VWDE: variants seen among roughly 807,000 people sequenced by gnomAD.
VWDE encodes von Willebrand factor D and EGF domains.
A neutral mutation model predicts 178.4 loss-of-function variants in VWDE; 207 were observed. The ratio of observed to expected loss-of-function variants is 1.16; its 90% confidence interval spans 1.04 to 1.30. The LOEUF (loss-of-function observed/expected upper bound fraction) is 1.30, where lower values mean the gene tolerates loss of function less well. VWDE is among the 50% of genes most tolerant of loss of function. VWDE has a pLI of 0.00. For synonymous variants in VWDE, 738 were observed against 651.4 expected (o/e 1.13, Z -2.02); for missense variants, 2,287 against 1,901.3 (o/e 1.20, Z -3.77).
chr7:12,403,826 T>C lies in VWDE; in HGVS notation c.-110A>G, dbSNP rs1007248686. 4.2e-6 allele frequency: 5 copies of C among 1,201,968 alleles called. No individual in the cohort carries two copies. The highest frequency in any genetic ancestry group is 5.9e-6 in the Non-Finnish European group (5 of 845,360). The allele number at this position is 1,201,968 out of a possible 1,614,324, so 74.5% of individuals were successfully genotyped here. On this transcript the variant is annotated 5_prime_UTR_variant, in exon 1 of 29. Coordinates refer to ENST00000275358, the MANE Select transcript of VWDE (RefSeq NM_001135924.3). Reference sequence around the variant, plus strand: ...CCTCCTTTCTTGGATTTTCTCAGTCTGTTGCTGCTTGGAACAGGGAAGCTC... The same window carrying C: ...CCTCCTTTCTTGGATTTTCTCAGTCCGTTGCTGCTTGGAACAGGGAAGCTC...
intron 9 of VWDE, among the ~76,000 whole-genome samples, chr7:12,374,277 A>C (rs1384232563): frequency 1.3e-5 from 2 of 152,068 alleles, no homozygotes; most frequent in Non-Finnish European, 2.9e-5. Flanking sequence ...TATTCTTGTC[A>C]AGACTTAGGA....
chr7:12,330,919 T>C lies in VWDE; in HGVS notation c.*264A>G, dbSNP rs1226160394. The C allele has an allele frequency of 1.3e-5, 5 of 375,612 alleles. No homozygotes were observed. The highest frequency in any genetic ancestry group is 1.9e-5 in the Non-Finnish European group (4 of 207,890). The allele number at this position is 375,612 out of a possible 1,614,324, so 23.3% of individuals were successfully genotyped here. A position where few individuals can be genotyped will look rare whatever the true frequency, so the allele number is the denominator to read the frequency against. On this transcript the variant is annotated 3_prime_UTR_variant, in exon 29 of 29. Coordinates refer to ENST00000275358, the MANE Select transcript of VWDE (RefSeq NM_001135924.3). ...AGAAAATATTCAGTTTATTAAATATTGTGAATGGGTGGAATATCAGATACA... is the reference window on the plus strand; with the variant it reads ...AGAAAATATTCAGTTTATTAAATATCGTGAATGGGTGGAATATCAGATACA...
chr7:12,367,323 ACT>A, intron 13 of VWDE, 32 bp downstream of exon 13: 1 of 1,487,744 alleles, frequency 6.7e-7, no homozygotes. Flanking sequence ...TATCTCATAC[ACT>A]CTATTGTTTC....
In VWDE at chr7:12,336,182, C is replaced by T; in HGVS notation, c.4613G>A (p.Cys1538Tyr). Reference sequence around the variant, plus strand: ...TCCTTCCCAGGAGGAAGGACAATGGCATATGCTGGGCGCAATGCATTCACC... The same window carrying T: ...TCCTTCCCAGGAGGAAGGACAATGGTATATGCTGGGCGCAATGCATTCACC... The part of the protein sequence containing the change: ...NGGECIAPSI[C>Y]HCPSSWEGVR... The change falls in exon 27 of 29, where the codon TGC (cysteine) becomes TAC (tyrosine). Residue 1538 changes from cysteine (C) to tyrosine (Y), a missense_variant. Cys to Tyr is a radical substitution (Grantham distance 194, BLOSUM62 -2). Transcript: ENST00000275358. 6.4e-7 allele frequency: 1 copy of T among 1,551,414 alleles called. No individual in the cohort carries two copies. The highest frequency in any genetic ancestry group is 1.4e-5 in the African/African-American group (1 of 73,150).
chr7:12,398,897 G>A (rs1399766157), intron 1 of VWDE, among the ~76,000 whole-genome samples: 2 of 152,082 alleles, frequency 1.3e-5, no homozygotes, highest in African/African-American at 4.8e-5. Flanking sequence ...TACTGAAGGG[G>A]GAAGGAAGGA....
At position 12,361,413 on chromosome 7, in the gene VWDE, T is replaced by G; in HGVS notation, c.3007A>C (p.Thr1003Pro). 5 of 1,551,236 alleles carry G rather than the reference T, an allele frequency of 3.2e-6. No homozygotes were observed. The highest frequency in any genetic ancestry group is 4.4e-6 in the Non-Finnish European group (5 of 1,146,690). ...GGTTTCCCACCCACCAGATCCATGG[T>G]ATCAAACTGCTGAACATCAGTGGGC... Reference protein sequence around the residue: ...QLPTDVQQFDTMDLVGGKPTG... With the variant: ...QLPTDVQQFDPMDLVGGKPTG... Residue 1003 changes from threonine to proline, a missense_variant, in exon 14 of 29, where the codon ACC (threonine) becomes CCC (proline). Transcript: ENST00000275358.
intron 4 of VWDE, among the ~76,000 whole-genome samples, chr7:12,382,403 A>T (rs1362131897): frequency 2.6e-5 from 4 of 151,862 alleles, no homozygotes; most frequent in African/African-American, 9.7e-5. Flanking sequence ...GGGCTTAATT[A>T]AACTGACCTC....
At chr7:12,396,061 G>A (rs1490356369) in intron 1 of VWDE, among the ~76,000 whole-genome samples, 1 of 152,042 alleles carries the variant, frequency 6.6e-6, no homozygotes, top group African/African-American at 2.4e-5. Flanking sequence ...AGAAAGTTGG[G>A]TAATATATAA....
chr7:12,361,826 T>C (rs916105740), intron 13 of VWDE, among the ~76,000 whole-genome samples: 2 of 152,004 alleles, frequency 1.3e-5, no homozygotes, highest in African/African-American at 2.4e-5. Flanking sequence ...CAAAACACAC[T>C]TGACTATATA....
In VWDE at chr7:12,369,561, G is replaced by A; in HGVS notation, c.2745C>T (p.Asp915=). ...CACSPSFSSY[D]CSDSYDKAPE... The stretch of plus-strand genomic sequence containing the variant: ...CTTACTTACCATAGGAATCACTGCA[G>A]TCATAGGAACTAAAGCTTGGGGAAC... The change falls in exon 12 of 29, where the codon GAC becomes GAT. Residue 915 remains aspartate, a synonymous_variant. Transcript: ENST00000275358. The A allele has an allele frequency of 6.5e-7, 1 of 1,536,374 alleles. No individual in the cohort carries two copies. Among genetic ancestry groups the A allele is most frequent in the South Asian group, 1.2e-5 (1 of 82,912 alleles).
intron 24 of VWDE, among the ~76,000 whole-genome samples, chr7:12,337,700 T>G (rs1781119117): frequency 1.3e-5 from 2 of 152,184 alleles, no homozygotes; most frequent in Admixed American, 1.3e-4. Flanking sequence ...AAATTAGCTT[T>G]CGAGTACTTA....
At chr7:12,387,259 CT>C (rs1329581062) in intron 3 of VWDE, among the ~76,000 whole-genome samples, 1 of 151,810 alleles carries the variant, frequency 6.6e-6, no homozygotes, top group East Asian at 1.9e-4. Flanking sequence ...ATTACATCAA[CT>C]TTAGATGTCA....
chr7:12,339,521 C>T (rs111359248), intron 24 of VWDE, among the ~76,000 whole-genome samples: 236 of 152,132 alleles, frequency 1.6e-3, no homozygotes, highest in African/African-American at 5.2e-3. Context: ...CCTGTGTTAG[C>T]GGGATGACTT....
In VWDE at chr7:12,370,215, T is replaced by C; in HGVS notation, c.2091A>G (p.Gln697=). The C allele has an allele frequency of 1.3e-6, 2 of 1,551,162 alleles. No individual in the cohort carries two copies. The highest frequency in any genetic ancestry group is 1.4e-5 in the African/African-American group (1 of 73,058). Residue 697 remains glutamine (Q), a synonymous_variant, in exon 12 of 29, where the codon CAA becomes CAG. Transcript: ENST00000275358. ...TAGTCAGGTTTATGTGTTTTTTTTCTTGCAGAAATAAATTTAGATTATATT... is the reference window on the plus strand; with the variant it reads ...TAGTCAGGTTTATGTGTTTTTTTTCCTGCAGAAATAAATTTAGATTATATT... ...PEEYNLNLFL[Q]EKKHINLTKL... is the part of the protein sequence containing the mutation.
intron 3 of VWDE, among the ~76,000 whole-genome samples, chr7:12,384,824 G>C (rs911008924): frequency 1.3e-5 from 2 of 152,032 alleles, no homozygotes; most frequent in Non-Finnish European, 2.9e-5. Flanking sequence ...ACAAAGGTAG[G>C]CTCATCAGAT....
Position 12,333,516 on chromosome 7 carries a change from C to T in VWDE, c.4707G>A (p.Val1569=). ...LYGGRCIFPN[V]CSCRTEYSGV... is the part of the protein sequence containing the mutation. ...CAGAGTATTCAGTGCGGCAGGAACA[C>T]ACATTGGGAAATATGCATCTGCCTC... is the stretch of plus-strand genomic sequence containing the variant. The change falls in exon 28 of 29, where the codon GTG becomes GTA. Residue 1569 remains valine (V), a synonymous_variant. Transcript: ENST00000275358. 1.3e-6 allele frequency: 2 copies of T among 1,551,232 alleles called. No homozygotes were observed. Among genetic ancestry groups the T allele is most frequent in the Admixed American group, 2.0e-5 (1 of 50,952 alleles).
At position 12,380,703 on chromosome 7, in the gene VWDE, G is replaced by A. The variant is rs549746883; in HGVS notation, c.572C>T (p.Pro191Leu). ...CACCAGAACCTCTGGCCTTCCTGCA[G>A]GTGGAGGTGGCAATGAGGCAGCCAG... ...RQLAASLPPP[P>L]AGRPEVLVEL... is the part of the protein sequence containing the mutation. The change falls in exon 5 of 29, where the codon CCT becomes CTT. Residue 191 changes from proline (P) to leucine (L), a missense_variant. By Grantham distance (98) the Pro-to-Leu change is moderately conservative. Transcript: ENST00000275358. The A allele has an allele frequency of 3.2e-6, 5 of 1,551,872 alleles. No homozygotes were observed. The highest frequency in any genetic ancestry group is 4.9e-5 in the East Asian group (2 of 40,920).
At chr7:12,355,410 C>T (rs536301552) in intron 18 of VWDE, among the ~76,000 whole-genome samples, 172 of 76,430 alleles carry the variant, frequency 2.3e-3, no homozygotes, top group Non-Finnish European at 3.5e-3. Context: ...AGTGAAACTC[C>T]GTCTCAAAAA....
chr7:12,363,910 T>G (rs1281945259), intron 13 of VWDE, among the ~76,000 whole-genome samples: 1 of 152,020 alleles, frequency 6.6e-6, no homozygotes, highest in Non-Finnish European at 1.5e-5. Flanking sequence ...GAGTGGAAAA[T>G]AGTTAATCTA....
Sources: allele counts gnomAD v4.1 joint callset (sites outside exome capture counted in the v4.1 genomes callset), GRCh38; gene constraint gnomAD v4.1.1; transcripts MANE v1.5; gene names NCBI Gene and HGNC (gene_info 2026-07-23, HGNC 2026-07-21).